Variants in PLG observed in about 807,000 individuals in gnomAD.
PLG encodes plasminogen, also known as plasmin.
PLG carries 41 observed loss-of-function variants against 104.4 expected under a neutral mutation model. The observed-to-expected ratio is 0.39, with a 90% CI of 0.31 to 0.51. The LOEUF is 0.51. PLG is among the 20% of genes least tolerant of loss of function. PLG has a pLI of 0.76. For missense variants in PLG, 891 were observed against 1,003.6 expected, an observed-to-expected ratio of 0.89 and a Z score of 1.52; for synonymous variants, 337 against 357.1, an observed-to-expected ratio of 0.94 and a Z score of 0.63.
At chr6:160,703,707 G>A (rs966489027) in intron 1 of PLG, among the ~76,000 whole-genome samples, 12 of 152,196 alleles carry the variant, frequency 7.9e-5, no homozygotes, top group African/African-American at 2.4e-5. Context: ...TAAGAAATTG[G>A]TGTATGTTGG....
At chr6:160,707,447 G>T (rs1228733757) in intron 2 of PLG, among the ~76,000 whole-genome samples, 2 of 152,110 alleles carry the variant, frequency 1.3e-5, no homozygotes, top group Non-Finnish European at 2.9e-5. Flanking sequence ...AAGAAGTAAA[G>T]CAGTTGAAAC....
Position 160,731,876 on chromosome 6 carries a change from G to A in PLG, c.1570G>A (p.Ala524Thr), listed in dbSNP as rs1778005702. ...TTTCACTCCAGAGACAAATCCACGG[G>A]CGGGTCTGGAAAAAAATGTAAGCCA... ...SIFTPETNPR[A>T]GLEKNYCRNP... Residue 524 changes from alanine (A) to threonine (T), a missense_variant, in exon 12 of 19, where the codon GCG becomes ACG. Around this residue, in one of 2 missense-constraint regions of PLG, gnomAD observed 854 missense variants for 932.1 expected, o/e 0.92. Transcript: ENST00000308192. This position sits in a 1 kb window ranked among gnomAD's most constrained non-coding sequence, Gnocchi z 5.1. 6.2e-7 allele frequency: 1 copy of A among 1,614,090 alleles called. No homozygotes were observed. The highest frequency in any genetic ancestry group is 2.2e-5 in the East Asian group (1 of 44,870).
chr6:160,706,511 A>G lies in PLG; in HGVS notation c.154A>G (p.Lys52Glu). ...AGGAAGTATAGAAGAATGTGCAGCA[A>G]AATGTGAGGAGGACGAAGAATTCAC... ...GAGSIEECAAKCEEDEEFTCR... is the reference protein window; with the variant it reads ...GAGSIEECAAECEEDEEFTCR... The change falls in exon 2 of 19, where the codon AAA becomes GAA. Residue 52 changes from lysine to glutamate, a missense_variant. Coordinates refer to ENST00000308192, the MANE Select transcript of PLG (RefSeq NM_000301.5). 2.5e-6 allele frequency: 4 copies of G among 1,613,948 alleles called. No individual in the cohort carries two copies. The highest frequency in any genetic ancestry group is 3.4e-6 in the Non-Finnish European group (4 of 1,179,832).
At chr6:160,716,788 C>A (rs1398457672) in intron 7 of PLG, 25 bp downstream of exon 7, 1 of 1,342,120 alleles carries the variant, frequency 7.5e-7, no homozygotes. Context: ...CACCCAGATT[C>A]CAGGATTTGG....
rs887307678 is a variant in PLG at position 160,734,542 on chromosome 6, T to C, written c.1681+454T>C. On this transcript the variant is annotated intron_variant, in intron 13 of 18. Coordinates refer to ENST00000308192, the MANE Select transcript of PLG (RefSeq NM_000301.5). This position sits in a 1 kb window ranked among gnomAD's most constrained non-coding sequence, Gnocchi z 4.4. ...GCCATCCTAGGAATTCAATGAAAGG[T>C]AGTGCAGCTCTTTAGCCCCAGATGG... Among the ~76,000 whole-genome samples the C allele has an allele frequency of 6.6e-6, 1 of 151,956 alleles. No individual in the cohort carries two copies. Among genetic ancestry groups the C allele is most frequent in the African/African-American group, 2.4e-5 (1 of 41,366 alleles).
rs905472583 is a variant in PLG at position 160,753,767 on chromosome 6, T to C, written c.*706T>C. 5.3e-5 allele frequency among the ~76,000 whole-genome samples: 8 copies of C among 152,078 alleles called. No homozygotes were observed. Among genetic ancestry groups the C allele is most frequent in the African/African-American group, 1.7e-4 (7 of 41,406 alleles). ...CATGTAAATGAACAACAAGCAAATA[T>C]TGAAGGTGGACCACTTATTTCCCAT... On this transcript the variant is annotated 3_prime_UTR_variant, in exon 19 of 19. Coordinates refer to ENST00000308192, the MANE Select transcript of PLG (RefSeq NM_000301.5). The surrounding 1 kb of genome is among the most constrained non-coding windows in gnomAD (Gnocchi z 5.4).
chr6:160,717,515 T>C (rs1777756723), intron 7 of PLG, among the ~76,000 whole-genome samples: 1 of 152,174 alleles, frequency 6.6e-6, no homozygotes, highest in African/African-American at 2.4e-5. Flanking sequence ...AATATCTTGA[T>C]TTCTGGATGC....
intron 3 of PLG, chr6:160,708,550 G>A (rs1226365974): frequency 3.9e-5 from 6 of 152,132 alleles, no homozygotes; most frequent in Non-Finnish European, 7.3e-5. Context: ...ATATTTGAAG[G>A]GATGCATGAC....
At chr6:160,705,080 G>A (rs574808758) in intron 1 of PLG, among the ~76,000 whole-genome samples, 28 of 152,006 alleles carry the variant, frequency 1.8e-4, no homozygotes, top group South Asian at 2.1e-4. Context: ...CTCTGCCTGC[G>A]GCCCCCACCA....
chr6:160,711,469 T>C (rs1777640795), intron 4 of PLG: 1 of 1,066,218 alleles, frequency 9.4e-7, no homozygotes, highest in Non-Finnish European at 1.3e-6. Flanking sequence ...TTCAAGTCTT[T>C]TCCATCCACA....
chr6:160,709,869 G>C (rs1369379493), intron 3 of PLG, among the ~76,000 whole-genome samples: 1 of 152,166 alleles, frequency 6.6e-6, no homozygotes, highest in Non-Finnish European at 1.5e-5. Flanking sequence ...TTAAAAAATG[G>C]CTAAAGTGGG....
chr6:160,731,087 C>G lies in PLG; in HGVS notation c.1293C>G (p.Ala431=). Residue 431 remains alanine, a synonymous_variant, in exon 11 of 19, where the codon GCC becomes GCG. Transcript: ENST00000308192. This position sits in a 1 kb window ranked among gnomAD's most constrained non-coding sequence, Gnocchi z 5.1. ...LTMNYCRNPD[A]DKGPWCFTTD... The stretch of plus-strand genomic sequence containing the variant: ...TGAACTACTGCAGGAATCCAGATGC[C>G]GATAAAGGCCCCTGGTGTTTTACCA... 1 of 1,613,926 alleles carries G rather than the reference C, an allele frequency of 6.2e-7. No homozygotes were observed. Among genetic ancestry groups the G allele is most frequent in the South Asian group, 1.1e-5 (1 of 91,064 alleles).
At chr6:160,748,921 C>A (rs1049435541) in intron 17 of PLG, among the ~76,000 whole-genome samples, 1 of 152,170 alleles carries the variant, frequency 6.6e-6, no homozygotes, top group Non-Finnish European at 1.5e-5. Context: ...GCCCCTAAAC[C>A]CGTCACTGAT....
chr6:160,721,015 G>T (rs1209923788), intron 9 of PLG, among the ~76,000 whole-genome samples: 1 of 152,008 alleles, frequency 6.6e-6, no homozygotes, highest in African/African-American at 2.4e-5. Context: ...CCCATTGAGA[G>T]AATTCTTCAT....
Position 160,741,279 on chromosome 6 carries a change from G to A in PLG, c.2019-32G>A. 7.0e-7 allele frequency: 1 copy of A among 1,425,636 alleles called. No homozygotes were observed. Among genetic ancestry groups the A allele is most frequent in the East Asian group, 2.3e-5 (1 of 43,952 alleles). 88.3% of individuals were successfully genotyped at this position (1,425,636 alleles called of 1,614,324 possible). Reference sequence around the variant, plus strand: ...GGGTACTGCAGCTGCGAGCAGAGCAGTCAAACATAACTGCTGATGCTTTTC... The same window carrying A: ...GGGTACTGCAGCTGCGAGCAGAGCAATCAAACATAACTGCTGATGCTTTTC... On this transcript the variant is annotated intron_variant, in intron 16 of 18. Transcript: ENST00000308192. This position sits in a 1 kb window ranked among gnomAD's most constrained non-coding sequence, Gnocchi z 4.7.
In PLG at chr6:160,734,627, GT is replaced by G. The variant is rs1011760339; in HGVS notation, c.1681+541del. Among the ~76,000 whole-genome samples, 6 of 151,770 alleles carry G rather than the reference GT, an allele frequency of 4.0e-5. No individual in the cohort carries two copies. The highest frequency in any genetic ancestry group is 1.5e-4 in the African/African-American group (6 of 41,356). ...TAGTGACATAGCTTAGAGACTGCTTGTTGGGTTCCATCCTCATTGCTCTGAG... is the reference window on the plus strand; with the variant it reads ...TAGTGACATAGCTTAGAGACTGCTTGTGGGTTCCATCCTCATTGCTCTGAG... On this transcript the variant is annotated intron_variant, in intron 13 of 18. Coordinates refer to ENST00000308192, the MANE Select transcript of PLG (RefSeq NM_000301.5). The surrounding 1 kb of genome is among the most constrained non-coding windows in gnomAD (Gnocchi z 4.4).
rs1778237696 is a variant in PLG, at chr6:160,744,007, G to T, written c.2125+2590G>T. On this transcript the variant is annotated intron_variant, in intron 17 of 18. Transcript: ENST00000308192. The surrounding 1 kb of genome is among the most constrained non-coding windows in gnomAD (Gnocchi z 4.5). Reference sequence around the variant, plus strand: ...ACCAAGCTTACATTCTGGGGATAAAGCCTACTTGATCACGATGGATTGGCT... The same window carrying T: ...ACCAAGCTTACATTCTGGGGATAAATCCTACTTGATCACGATGGATTGGCT... Among the ~76,000 whole-genome samples, 1 of 152,176 alleles carries T rather than the reference G, an allele frequency of 6.6e-6. No homozygotes were observed.
Position 160,713,079 on chromosome 6 carries a change from T to C in PLG, c.501T>C (p.Thr167=). The part of the protein sequence containing the change: ...NDPQGPWCYT[T]DPEKRYDYCD... ...CGCAGGGGCCCTGGTGCTATACTAC[T>C]GATCCAGAAAAGAGATATGACTACT... The change falls in exon 5 of 19, where the codon ACT becomes ACC. Residue 167 remains threonine (T), a synonymous_variant. Coordinates refer to ENST00000308192, the MANE Select transcript of PLG (RefSeq NM_000301.5). 3 of 1,609,934 alleles carry C rather than the reference T, an allele frequency of 1.9e-6. No homozygotes were observed. The highest frequency in any genetic ancestry group is 2.5e-6 in the Non-Finnish European group (3 of 1,177,978).
chr6:160,733,184 CA>C (rs1337265091), intron 12 of PLG, among the ~76,000 whole-genome samples: 3 of 152,202 alleles, frequency 2.0e-5, no homozygotes, highest in African/African-American at 7.2e-5. Context: ...CTTATTCTAC[CA>C]CAGTGTCATA....
Sources: gnomAD v4.1 joint callset for allele counts (sites outside exome capture counted in the v4.1 genomes callset) on GRCh38, gnomAD v4.1.1 for gene constraint, gnomAD v4.1.1 regional missense constraint, Gnocchi (gnomAD v3.1) non-coding constraint, MANE v1.5 for transcripts, NCBI Gene and HGNC (gene_info 2026-07-23, HGNC 2026-07-21) for gene names.